IGBP1: variants seen among roughly 807,000 people sequenced by gnomAD.
IGBP1 encodes the protein immunoglobulin binding protein 1.
A neutral mutation model predicts 25.9 loss-of-function variants in IGBP1; 2 were observed. The observed-to-expected ratio is 0.08, with a 90% confidence interval of 0.03 to 0.24. IGBP1 has a LOEUF of 0.24. IGBP1 is among the 10% of genes least tolerant of loss of function. The pLI is 1.00. For synonymous variants in IGBP1, 96 were observed against 93.4 expected (o/e 1.03, Z -0.16); for missense variants, 187 against 260.4 (o/e 0.72, Z 1.94).
intron 4 of IGBP1, among the ~76,000 whole-genome samples, chrX:70,148,106 G>A (rs1453106298): frequency 1.8e-5 from 2 of 111,858 alleles, no homozygotes; most frequent in African/African-American, 3.3e-5. Flanking sequence ...TCGTTGTGTT[G>A]TTGTTGTTTT....
intron 6 of IGBP1, among the ~76,000 whole-genome samples, chrX:70,155,444 G>A (rs887790390): frequency 3.0e-5 from 3 of 98,384 alleles, no homozygotes; most frequent in African/African-American, 8.0e-5. Context: ...GCAGTGAGCC[G>A]AGACCACACC....
intron 6 of IGBP1, among the ~76,000 whole-genome samples, chrX:70,156,496 A>G (rs180724589): frequency 3.3e-3 from 373 of 112,128 alleles, no homozygotes; most frequent in Non-Finnish European, 5.1e-3. Context: ...TAAATTAGAA[A>G]TCAATAATGT....
intron 3 of IGBP1, among the ~76,000 whole-genome samples, chrX:70,140,018 T>C (rs2147569962): frequency 8.9e-6 from 1 of 112,779 alleles, no homozygotes; most frequent in East Asian, 2.8e-4. Context: ...GGCTAATTCT[T>C]CATCCTCTAG....
chrX:70,148,898 A>G, intron 5 of IGBP1, 58 bp downstream of exon 5: 1 of 817,924 alleles, frequency 1.2e-6, no homozygotes. Context: ...TCAATGTGGC[A>G]ATTCATTAGT....
chrX:70,134,814 G>A lies in IGBP1; in HGVS notation c.480G>A (p.Gln160=). 1 of 1,207,693 alleles carries A rather than the reference G, an allele frequency of 8.3e-7. No homozygotes were observed. The highest frequency in any genetic ancestry group is 1.1e-6 in the Non-Finnish European group (1 of 891,503). The change falls in exon 3 of 7, where the codon CAG becomes CAA. Residue 160 remains glutamine, a splice_region_variant and synonymous_variant. Transcript: ENST00000356413. ...CATCTCAAAGACAGGCTAAAATACA[G>A]AGGTGGGTCAATAGCTATAATATGA... is the stretch of plus-strand genomic sequence containing the variant. ...AMASQRQAKI[Q]RYKQKKELEH...
chrX:70,138,555 A>G (rs1207611986), intron 3 of IGBP1, among the ~76,000 whole-genome samples: 1 of 111,161 alleles, frequency 9.0e-6, no homozygotes, highest in East Asian at 2.8e-4. Flanking sequence ...TGCAAAACAG[A>G]AGAATATTTT....
chrX:70,146,576 T>G, intron 3 of IGBP1, 57 bp from the exon 4 acceptor site: 1 of 1,030,424 alleles, frequency 9.7e-7, no homozygotes, highest in Admixed American at 2.2e-5. Flanking sequence ...GAGGCCTTCT[T>G]TTGAAGGAAT....
intron 6 of IGBP1, among the ~76,000 whole-genome samples, chrX:70,163,108 A>T (rs756554201): frequency 1.8e-5 from 2 of 111,202 alleles, no homozygotes; most frequent in Non-Finnish European, 3.8e-5. Context: ...GCCAGGCTCA[A>T]GCAATCCTCC....
chrX:70,157,531 A>G (rs2085248686), intron 6 of IGBP1, among the ~76,000 whole-genome samples: 1 of 112,501 alleles, frequency 8.9e-6, no homozygotes, highest in Admixed American at 9.4e-5. Context: ...AAATGCCCAT[A>G]AATAATAGAA....
chrX:70,165,272 T>C (rs2085291157), intron 6 of IGBP1: 1 of 118,741 alleles, frequency 8.4e-6, no homozygotes, highest in African/African-American at 3.3e-5. Flanking sequence ...CCTCAGAGCC[T>C]ATTTCAAGCA....
chrX:70,141,440 A>G (rs142721979), intron 3 of IGBP1, among the ~76,000 whole-genome samples: 1,770 of 111,692 alleles, frequency 0.016, 33 homozygotes, highest in African/African-American at 0.055. Context: ...CCTTTCCCTA[A>G]TTATCTTCCC....
At chrX:70,144,342 C>G (rs1270098024) in intron 3 of IGBP1, among the ~76,000 whole-genome samples, 1 of 111,882 alleles carries the variant, frequency 8.9e-6, no homozygotes, top group Non-Finnish European at 1.9e-5. Flanking sequence ...TAGACTAACC[C>G]TGAATTTACC....
chrX:70,133,750 G>C lies in IGBP1; in HGVS notation c.-198G>C. The C allele has an allele frequency of 2.2e-6, 1 of 449,383 alleles. No individual in the cohort carries two copies. Among genetic ancestry groups the C allele is most frequent in the South Asian group, 3.2e-5 (1 of 31,110 alleles). 37.0% of individuals were successfully genotyped at this position (449,383 alleles called of 1,213,427 possible). On this transcript the variant is annotated 5_prime_UTR_variant, in exon 2 of 7. Coordinates refer to ENST00000356413, the MANE Select transcript of IGBP1 (RefSeq NM_001551.3). ...GCCTACGACTTGTAACGGGCTGCCT[G>C]GTAAAATGAGTCTATGGAAACGGTT...
intron 6 of IGBP1, among the ~76,000 whole-genome samples, chrX:70,165,527 G>C (rs1036458070): frequency 9.1e-6 from 1 of 110,480 alleles, no homozygotes; most frequent in Non-Finnish European, 1.9e-5. Context: ...GGGCTTGGGG[G>C]GGGTGGGTGT....
chrX:70,154,714 CAAAAAA>C (rs762954223), intron 6 of IGBP1, among the ~76,000 whole-genome samples: 13 of 27,105 alleles, frequency 4.8e-4, no homozygotes, highest in Non-Finnish European at 5.6e-4. Flanking sequence ...CCCCTCTCCA[CAAAAAA>C]AAAAAAAAAA....
At chrX:70,150,440 G>T in intron 6 of IGBP1, 118 bp downstream of exon 6, 2 of 523,974 alleles carry the variant, frequency 3.8e-6, no homozygotes, top group Non-Finnish European at 6.9e-6. Context: ...AAGATTCTGA[G>T]TAATAGAAAG....
intron 2 of IGBP1, 72 bp from the exon 3 acceptor site, chrX:70,134,451 C>A: frequency 9.3e-7 from 1 of 1,073,810 alleles, no homozygotes. Context: ...CCTCCCACTC[C>A]GTCCCCCAGA....
chrX:70,151,835 G>A (rs912645638), intron 6 of IGBP1, among the ~76,000 whole-genome samples: 31 of 111,186 alleles, frequency 2.8e-4, no homozygotes, highest in South Asian at 1.5e-3. Context: ...CCAAGATCAC[G>A]CCACTGCACT....
At position 70,166,040 on chromosome X, in the gene IGBP1, G is replaced by T; in HGVS notation, c.*59G>T. Reference sequence around the variant, plus strand: ...CAACTCCCCTGCCAAGGAAAACCATGCAGTCCTCCCCTCCCTGGTCTCCTG... The same window carrying T: ...CAACTCCCCTGCCAAGGAAAACCATTCAGTCCTCCCCTCCCTGGTCTCCTG... On this transcript the variant is annotated 3_prime_UTR_variant, in exon 7 of 7. Transcript: ENST00000356413. The T allele has an allele frequency of 9.0e-7, 1 of 1,116,840 alleles. No individual in the cohort carries two copies. Among genetic ancestry groups the T allele is most frequent in the Non-Finnish European group, 1.2e-6 (1 of 813,880 alleles). The allele number at this position is 1,116,840 out of a possible 1,213,427, so 92.0% of individuals were successfully genotyped here. A position where few individuals can be genotyped will look rare whatever the true frequency, so the allele number is the denominator to read the frequency against.
Sources: allele counts gnomAD v4.1 joint callset (sites outside exome capture counted in the v4.1 genomes callset), GRCh38; gene constraint gnomAD v4.1.1; transcripts MANE v1.5; gene names NCBI Gene and HGNC (gene_info 2026-07-23, HGNC 2026-07-21).